The following EXOC6B variants were observed in gnomAD, a reference collection of about 807,000 sequenced individuals.
EXOC6B encodes exocyst complex component 6B, also known as SEC15 homolog B.
EXOC6B carries 54 observed loss-of-function variants against 113.5 expected under a neutral mutation model. The observed-to-expected ratio is 0.48, with a 90% CI of 0.38 to 0.60. The LOEUF (loss-of-function observed/expected upper bound fraction) is 0.60. Ranked by LOEUF, EXOC6B falls within the 20% of genes least tolerant of loss-of-function variation. The pLI, the probability that EXOC6B is intolerant of heterozygous loss-of-function variation, is 0.00. For synonymous variants in EXOC6B, 357 were observed against 339.0 expected (o/e 1.05, Z -0.58); for missense variants, 797 against 977.5 (o/e 0.82, Z 2.46).
chr2:72,636,561 AAG>A, intron 6 of EXOC6B, among the ~76,000 whole-genome samples: 1 of 152,206 alleles, frequency 6.6e-6, no homozygotes, highest in South Asian at 2.1e-4. Context: ...GTGCTAGAGA[AAG>A]AGGAAGAGGA....
chr2:72,303,466 T>C (rs1175904807), intron 20 of EXOC6B, among the ~76,000 whole-genome samples: 1 of 152,190 alleles, frequency 6.6e-6, no homozygotes. Context: ...TTTTTTCCTG[T>C]CTTATTTCAC....
chr2:72,642,060 C>A (rs1673288313), intron 6 of EXOC6B, among the ~76,000 whole-genome samples: 1 of 152,266 alleles, frequency 6.6e-6, no homozygotes, highest in Admixed American at 6.5e-5. Context: ...AAAAGGACAT[C>A]CACACCAAAA....
intron 18 of EXOC6B, among the ~76,000 whole-genome samples, chr2:72,429,667 T>C (rs944407582): frequency 6.6e-6 from 1 of 152,238 alleles, no homozygotes; most frequent in Non-Finnish European, 1.5e-5. Context: ...TGTTGGGCAA[T>C]GCCTGGAAAC....
intron 6 of EXOC6B, among the ~76,000 whole-genome samples, chr2:72,582,552 G>C (rs1221122264): frequency 1.6e-5 from 2 of 128,660 alleles, no homozygotes; most frequent in Non-Finnish European, 3.5e-5. Context: ...TTTTTTTTTT[G>C]AGATGGAGTT....
chr2:72,532,981 A>G (rs759367036), intron 8 of EXOC6B, among the ~76,000 whole-genome samples: 7 of 152,166 alleles, frequency 4.6e-5, no homozygotes, highest in Non-Finnish European at 1.0e-4. Context: ...TTTACCTATA[A>G]TAACTTTCCC....
chr2:72,577,797 T>C (rs577755021), intron 6 of EXOC6B, among the ~76,000 whole-genome samples: 1 of 152,130 alleles, frequency 6.6e-6, no homozygotes, highest in Admixed American at 6.5e-5. Context: ...TTCTATCCCT[T>C]CAGAGACCAT....
At chr2:72,245,459 T>C (rs532379793) in intron 20 of EXOC6B, among the ~76,000 whole-genome samples, 1 of 152,260 alleles carries the variant, frequency 6.6e-6, no homozygotes, top group Admixed American at 6.5e-5. Context: ...GATACATCCA[T>C]ACAATGGGAC....
chr2:72,410,881 C>T (rs1694135577), intron 18 of EXOC6B, among the ~76,000 whole-genome samples: 1 of 152,094 alleles, frequency 6.6e-6, no homozygotes, highest in South Asian at 2.1e-4. Flanking sequence ...GGAATTTTAG[C>T]TCTGGTACAT....
intron 6 of EXOC6B, among the ~76,000 whole-genome samples, chr2:72,651,708 G>A (rs1283850201): frequency 6.6e-6 from 1 of 152,096 alleles, no homozygotes; most frequent in African/African-American, 2.4e-5. Context: ...CCATTCTCCT[G>A]CCTCAGCCTC....
At chr2:72,368,624 T>G (rs1349772185) in intron 19 of EXOC6B, among the ~76,000 whole-genome samples, 1 of 152,194 alleles carries the variant, frequency 6.6e-6, no homozygotes, top group East Asian at 1.9e-4. Context: ...AATAAAATAC[T>G]GGCAAACCAA....
chr2:72,736,384 G>T (rs1680966563), intron 2 of EXOC6B, among the ~76,000 whole-genome samples: 1 of 151,994 alleles, frequency 6.6e-6, no homozygotes, highest in Non-Finnish European at 1.5e-5. Context: ...TTTTTACATT[G>T]TCTAAACTAT....
At chr2:72,655,881 C>A (rs1002401196) in intron 6 of EXOC6B, among the ~76,000 whole-genome samples, 9 of 151,922 alleles carry the variant, frequency 5.9e-5, no homozygotes, top group Non-Finnish European at 1.3e-4. Context: ...ATCTATAAAA[C>A]TAAATAGACC....
chr2:72,785,385 G>A lies in EXOC6B; in HGVS notation c.113+40413C>T, dbSNP rs1490892536. ...AGTGCCCCAGTAGGGACTCTGTGTG[G>A]GGGGCTCCAACCCCATATTTCCCTT... On this transcript the variant is annotated intron_variant, in intron 1 of 21. Transcript: ENST00000272427. Among the ~76,000 whole-genome samples, 3 of 152,218 alleles carry A rather than the reference G, an allele frequency of 2.0e-5. No individual in the cohort carries two copies. In the East Asian group the frequency reaches 5.8e-4, roughly 29 times the overall value.
intron 8 of EXOC6B, among the ~76,000 whole-genome samples, chr2:72,525,381 T>C (rs1701704670): frequency 6.6e-6 from 1 of 152,148 alleles, no homozygotes; most frequent in Non-Finnish European, 1.5e-5. Flanking sequence ...TGACCCAAGA[T>C]GATAAACAGT....
At chr2:72,712,123 G>A (rs1185465310) in intron 6 of EXOC6B, among the ~76,000 whole-genome samples, 1 of 152,144 alleles carries the variant, frequency 6.6e-6, no homozygotes, top group African/African-American at 2.4e-5. Flanking sequence ...TTGGAAGAAA[G>A]ACAGAAGACT....
intron 19 of EXOC6B, among the ~76,000 whole-genome samples, chr2:72,367,188 A>T (rs534228846): frequency 3.9e-5 from 6 of 152,322 alleles, no homozygotes; most frequent in African/African-American, 1.4e-4. Context: ...CTTTTGTAAG[A>T]TTCTTACATT....
At chr2:72,450,976 G>T (rs1005233644) in intron 18 of EXOC6B, among the ~76,000 whole-genome samples, 2 of 152,164 alleles carry the variant, frequency 1.3e-5, no homozygotes, top group Non-Finnish European at 2.9e-5. Context: ...CTGCTGAAGG[G>T]AAGGGAAACC....
At position 72,745,618 on chromosome 2, in the gene EXOC6B, T is replaced by A. The variant is rs571469328; in HGVS notation, c.114-4149A>T. Among the ~76,000 whole-genome samples the A allele has an allele frequency of 2.3e-3, 357 of 152,196 alleles. 2 individuals carry two copies. The highest frequency in any genetic ancestry group is 4.2e-3 in the Non-Finnish European group (284 of 67,962). On this transcript the variant is annotated intron_variant, in intron 1 of 21. Transcript: ENST00000272427. The stretch of plus-strand genomic sequence containing the variant: ...AGGTAGATGTACATATATGCATTTT[T>A]AAGAAAAAAAGTTTCCAATAGTTTC...
At chr2:72,485,017 G>A (rs1273879094) in intron 16 of EXOC6B, among the ~76,000 whole-genome samples, 1 of 152,088 alleles carries the variant, frequency 6.6e-6, no homozygotes, top group East Asian at 1.9e-4. Context: ...GTTATTTCTT[G>A]GTTCTAGATC....
Sources: allele counts gnomAD v4.1 joint callset (sites outside exome capture counted in the v4.1 genomes callset), GRCh38; gene constraint gnomAD v4.1.1; transcripts MANE v1.5; gene names NCBI Gene and HGNC (gene_info 2026-07-23, HGNC 2026-07-21).